The following OXR1 variants were observed in gnomAD, a reference collection of about 807,000 sequenced individuals.
OXR1 encodes the protein oxidation resistance protein 1.
OXR1 carries 41 observed loss-of-function variants against 104.6 expected under a neutral mutation model. That is an observed-to-expected ratio of 0.39 (90% CI 0.31 to 0.51). The LOEUF is 0.51. Among genes scored for constraint, OXR1 ranks in the 20% least tolerant of loss-of-function variants. The pLI is 0.77. For synonymous variants in OXR1, 348 were observed against 348.4 expected (o/e 1.00, Z 0.01); for missense variants, 955 against 1,031.9 (o/e 0.93, Z 1.02).
intron 3 of OXR1, among the ~76,000 whole-genome samples, chr8:106,603,925 T>C (rs1019961835): frequency 7.9e-5 from 12 of 151,882 alleles, no homozygotes; most frequent in East Asian, 3.9e-4. Context: ...TGGTGGTGCA[T>C]GCCTGTAGTC....
At chr8:106,647,910 T>C (rs1824219858) in intron 3 of OXR1, among the ~76,000 whole-genome samples, 1 of 152,254 alleles carries the variant, frequency 6.6e-6, no homozygotes, top group Non-Finnish European at 1.5e-5. Context: ...TTTATTAACA[T>C]AGCTAGCCTT....
chr8:106,316,073 G>C (rs1813922615), intron 1 of OXR1, among the ~76,000 whole-genome samples: 1 of 152,164 alleles, frequency 6.6e-6, no homozygotes, highest in Non-Finnish European at 1.5e-5. Flanking sequence ...ATAAAAAACT[G>C]TAGTAAGTCG....
At chr8:106,410,551 A>G (rs1818420394) in intron 2 of OXR1, among the ~76,000 whole-genome samples, 2 of 152,152 alleles carry the variant, frequency 1.3e-5, no homozygotes, top group South Asian at 4.1e-4. Context: ...TAGAACATTG[A>G]AAGACTTTCA....
At chr8:106,435,411 G>A (rs1439972016) in intron 2 of OXR1, among the ~76,000 whole-genome samples, 2 of 152,140 alleles carry the variant, frequency 1.3e-5, no homozygotes, top group African/African-American at 2.4e-5. Context: ...CAGTCATTCA[G>A]TCAGGTCTTC....
intron 2 of OXR1, among the ~76,000 whole-genome samples, chr8:106,378,198 C>A (rs1325479854): frequency 5.9e-5 from 9 of 152,148 alleles, no homozygotes; most frequent in Admixed American, 5.9e-4. Context: ...AGACAGGTTA[C>A]TGTAGGGATT....
rs891978963 is a variant in OXR1 at position 106,719,844 on chromosome 8, C to T, written c.1956+5859C>T. ...TTTTTGAGATGGAGTCTCCGTCTGT[C>T]GCTCAGGCTGGAGTGCAGTGGCGTC... is the stretch of plus-strand genomic sequence containing the variant. On this transcript the variant is annotated intron_variant, in intron 11 of 16. Coordinates refer to ENST00000517566, the MANE Select transcript of OXR1 (RefSeq NM_001198533.2). Among the ~76,000 whole-genome samples, 25 of 151,966 alleles carry T rather than the reference C, an allele frequency of 1.6e-4. 1 individual carries two copies. Among genetic ancestry groups the T allele is most frequent in the Admixed American group, 1.2e-3 (19 of 15,262 alleles).
At chr8:106,466,583 G>A (rs1364659860) in intron 2 of OXR1, among the ~76,000 whole-genome samples, 1 of 151,222 alleles carries the variant, frequency 6.6e-6, no homozygotes, top group East Asian at 1.9e-4. Flanking sequence ...TTCCAATCCA[G>A]TTTACATTTA....
chr8:106,587,822 T>G (rs3110776), intron 3 of OXR1, among the ~76,000 whole-genome samples: 75,349 of 151,908 alleles, frequency 0.5, 19,953 homozygotes, highest in African/African-American at 0.68. Flanking sequence ...ATTTGAGCTG[T>G]GGAAGAGGAA....
chr8:106,330,797 T>C (rs1814684010), intron 1 of OXR1, among the ~76,000 whole-genome samples: 1 of 152,194 alleles, frequency 6.6e-6, no homozygotes, highest in African/African-American at 2.4e-5. Flanking sequence ...TCATCAGCAT[T>C]GAACCATTCA....
chr8:106,555,427 T>C (rs1302338792), intron 3 of OXR1, among the ~76,000 whole-genome samples: 5 of 152,084 alleles, frequency 3.3e-5, no homozygotes, highest in South Asian at 2.1e-4. Context: ...TCAGAAAAGT[T>C]TGGGAAGTAT....
intron 2 of OXR1, among the ~76,000 whole-genome samples, chr8:106,471,983 C>G (rs958204816): frequency 1.3e-5 from 2 of 151,796 alleles, no homozygotes; most frequent in African/African-American, 4.8e-5. Context: ...AATTAATTTA[C>G]CAACCCTAAG....
intron 8 of OXR1, among the ~76,000 whole-genome samples, chr8:106,703,324 G>C (rs1039455642): frequency 1.3e-5 from 2 of 152,134 alleles, no homozygotes; most frequent in African/African-American, 2.4e-5. Flanking sequence ...TATTTGAAAA[G>C]TAACCTATAG....
intron 3 of OXR1, among the ~76,000 whole-genome samples, chr8:106,660,713 A>C (rs1257651149): frequency 6.6e-5 from 10 of 152,172 alleles, no homozygotes; most frequent in Non-Finnish European, 7.4e-5. Flanking sequence ...AGACCAGATA[A>C]AATTTTGGTC....
chr8:106,651,428 T>A (rs1427276095), intron 3 of OXR1, among the ~76,000 whole-genome samples: 2 of 152,176 alleles, frequency 1.3e-5, no homozygotes, highest in Admixed American at 6.5e-5. Flanking sequence ...TCTGAGTTCA[T>A]TTCTGTCCAC....
chr8:106,722,123 AT>A, intron 11 of OXR1, among the ~76,000 whole-genome samples: 1 of 152,282 alleles, frequency 6.6e-6, no homozygotes, highest in South Asian at 2.1e-4. Context: ...TATTAAACAT[AT>A]GTTTTCTATT....
At chr8:106,488,908 C>T (rs1485858910) in intron 2 of OXR1, among the ~76,000 whole-genome samples, 1 of 151,664 alleles carries the variant, frequency 6.6e-6, no homozygotes, top group Non-Finnish European at 1.5e-5. Context: ...GGGATGCGGG[C>T]TCTTTTTTGG....
chr8:106,324,000 C>G (rs112526786), intron 1 of OXR1, among the ~76,000 whole-genome samples: 127 of 152,240 alleles, frequency 8.3e-4, no homozygotes, highest in African/African-American at 2.9e-3. Context: ...CCCAGCAATC[C>G]CATTACTGGG....
At chr8:106,379,537 C>CTTTTTTTTTTTTTTTTTTTTTTTT (rs60855438) in intron 2 of OXR1, among the ~76,000 whole-genome samples, 1 of 108,400 alleles carries the variant, frequency 9.2e-6, no homozygotes, top group Non-Finnish European at 1.8e-5. Context: ...TTCTTTCTTT[C>CTTTTTTTTTTTTTTTTTTTTTTTT]TTTTTTTTTT....
intron 8 of OXR1, among the ~76,000 whole-genome samples, chr8:106,704,347 C>T (rs1451758670): frequency 2.2e-5 from 3 of 138,572 alleles, no homozygotes; most frequent in African/African-American, 8.2e-5. Flanking sequence ...TGGTGAGATT[C>T]TGTTGTCCTC....
Sources: gnomAD v4.1 joint callset for allele counts (sites outside exome capture counted in the v4.1 genomes callset) on GRCh38, gnomAD v4.1.1 for gene constraint, MANE v1.5 for transcripts, NCBI Gene and HGNC (gene_info 2026-07-23, HGNC 2026-07-21) for gene names.